PITPNC1: variants seen among roughly 807,000 people sequenced by gnomAD.
PITPNC1 encodes the protein phosphatidylinositol transfer protein cytoplasmic 1, also known as cytoplasmic phosphatidylinositol transfer protein 1.
A neutral mutation model predicts 44.7 loss-of-function variants in PITPNC1; 18 were observed. The observed-to-expected ratio is 0.40, with a 90% CI of 0.28 to 0.60. The LOEUF (loss-of-function observed/expected upper bound fraction) is 0.60. Ranked by LOEUF, PITPNC1 falls within the 20% of genes least tolerant of loss-of-function variation. PITPNC1 has a pLI of 0.39. For missense variants in PITPNC1, 290 were observed against 418.4 expected, an observed-to-expected ratio of 0.69 and a Z score of 2.68; for synonymous variants, 141 against 149.6, an observed-to-expected ratio of 0.94 and a Z score of 0.42.
rs1357094434 is a variant in PITPNC1 at position 67,428,629 on chromosome 17, AT to A, written c.48+50429del. Among the ~76,000 whole-genome samples, 7 of 152,098 alleles carry A rather than the reference AT, an allele frequency of 4.6e-5. No homozygotes were observed. The East Asian group carries it at 1.4e-3, about 29-fold the overall frequency. On this transcript the variant is annotated intron_variant, in intron 1 of 8. Transcript: ENST00000581322. ...AATGAGATTATAGATGATTTTAAAC[AT>A]TCTTCTTGATAATTTTCCTGTGTTT...
At chr17:67,602,144 G>A (rs74677081) in intron 5 of PITPNC1, among the ~76,000 whole-genome samples, 3,298 of 152,304 alleles carry the variant, frequency 0.022, 92 homozygotes, top group Admixed American at 0.081. Flanking sequence ...TGCAGCCTGC[G>A]TGTAGGAGCA....
intron 1 of PITPNC1, among the ~76,000 whole-genome samples, chr17:67,481,024 T>C (rs1263355270): frequency 2.0e-5 from 3 of 152,190 alleles, no homozygotes; most frequent in Non-Finnish European, 4.4e-5. Flanking sequence ...CTGGCCAGCA[T>C]GGCAAAACCC....
At chr17:67,433,202 C>T (rs944569354) in intron 1 of PITPNC1, among the ~76,000 whole-genome samples, 3 of 152,188 alleles carry the variant, frequency 2.0e-5, no homozygotes, top group African/African-American at 7.2e-5. Context: ...TGTCTCCTGG[C>T]AGTCAGTGCC....
intron 6 of PITPNC1, among the ~76,000 whole-genome samples, chr17:67,636,095 A>C (rs1345793883): frequency 1.3e-5 from 2 of 152,074 alleles, no homozygotes; most frequent in Non-Finnish European, 2.9e-5. Flanking sequence ...TCAGGAGTTC[A>C]AGACCAGCCT....
intron 1 of PITPNC1, among the ~76,000 whole-genome samples, chr17:67,505,823 T>C (rs2144078618): frequency 6.6e-6 from 1 of 152,324 alleles, no homozygotes; most frequent in South Asian, 2.1e-4. Context: ...AGCCTTTGCA[T>C]GTGTTACGCT....
intron 6 of PITPNC1, among the ~76,000 whole-genome samples, chr17:67,634,099 A>G (rs1410779621): frequency 6.6e-6 from 1 of 152,200 alleles, no homozygotes; most frequent in African/African-American, 2.4e-5. Flanking sequence ...TCACACAGAC[A>G]TTCGAGGAGC....
At chr17:67,495,037 GTTGTTTTTTTTTTTGTT>G (rs2039926043) in intron 1 of PITPNC1, among the ~76,000 whole-genome samples, 1 of 79,402 alleles carries the variant, frequency 1.3e-5, no homozygotes, top group African/African-American at 4.8e-5. Context: ...GAGCCATGGA[GTTGTTTTTTTTTTTGTT>G]TTTTTTTTTT....
chr17:67,417,044 C>A (rs573216835), intron 1 of PITPNC1, among the ~76,000 whole-genome samples: 34 of 152,124 alleles, frequency 2.2e-4, no homozygotes, highest in Middle Eastern at 3.4e-3. Context: ...AAACTCCCGA[C>A]CTCAGGTGAT....
intron 1 of PITPNC1, among the ~76,000 whole-genome samples, chr17:67,430,200 T>C (rs182989503): frequency 1.3e-5 from 2 of 152,318 alleles, no homozygotes; most frequent in East Asian, 3.9e-4. Flanking sequence ...CTTACTACTC[T>C]GTGATTTTAA....
chr17:67,567,789 A>G (rs1325752714), intron 4 of PITPNC1, among the ~76,000 whole-genome samples: 1 of 152,094 alleles, frequency 6.6e-6, no homozygotes, highest in Non-Finnish European at 1.5e-5. Context: ...CCTGGCCAAC[A>G]TGGTGAAACC....
rs143463832 is a variant in PITPNC1 at position 67,418,135 on chromosome 17, T to C, written c.48+39933T>C. Among the ~76,000 whole-genome samples the C allele has an allele frequency of 2.6e-4, 39 of 152,318 alleles. No homozygotes were observed. In the East Asian group the frequency reaches 7.5e-3, roughly 29 times the overall value. On this transcript the variant is annotated intron_variant, in intron 1 of 8. Coordinates refer to ENST00000581322, the MANE Select transcript of PITPNC1 (RefSeq NM_012417.4). ...TCCTTTTACCAACAGATGATTTGGA[T>C]CTTTAAGGCTCCCAGGCACATGACT... is the stretch of plus-strand genomic sequence containing the variant.
chr17:67,543,616 G>C lies in PITPNC1; in HGVS notation c.198-8641G>C, dbSNP rs117782057. On this transcript the variant is annotated intron_variant, in intron 2 of 8. Transcript: ENST00000581322. ...ATTGGCCATTTGTATATCTTCTTTG[G>C]AGAAATGTCTATTCCTTTGCCAATT... is the stretch of plus-strand genomic sequence containing the variant. 7.7e-3 allele frequency among the ~76,000 whole-genome samples: 1,167 copies of C among 152,138 alleles called. 13 individuals are homozygous for C. Among genetic ancestry groups the C allele is most frequent in the Non-Finnish European group, 0.011 (717 of 67,986 alleles).
At chr17:67,575,835 CTTCCTTCTTTCT>C (rs2041137475) in intron 4 of PITPNC1, among the ~76,000 whole-genome samples, 6 of 95,302 alleles carry the variant, frequency 6.3e-5, no homozygotes, top group African/African-American at 2.0e-4. Context: ...TCCTTCCTTC[CTTCCTTCTTTCT>C]TTCTTTCTTT....
intron 5 of PITPNC1, among the ~76,000 whole-genome samples, chr17:67,607,731 CTTT>C (rs1212042100): frequency 1.4e-5 from 2 of 140,618 alleles, no homozygotes; most frequent in East Asian, 2.1e-4. Context: ...TTTTTTCTTT[CTTT>C]TTTTTTTTTT....
At chr17:67,667,808 G>A (rs895882739) in intron 6 of PITPNC1, among the ~76,000 whole-genome samples, 6 of 151,682 alleles carry the variant, frequency 4.0e-5, no homozygotes, top group Admixed American at 6.6e-5. Flanking sequence ...GGCAAAACCC[G>A]GTCTCTATTA....
intron 4 of PITPNC1, among the ~76,000 whole-genome samples, chr17:67,570,193 A>G (rs1191743681): frequency 1.3e-5 from 2 of 152,204 alleles, no homozygotes; most frequent in Non-Finnish European, 2.9e-5. Context: ...GAAAGAAAAG[A>G]GTTCACGGAG....
intron 1 of PITPNC1, among the ~76,000 whole-genome samples, chr17:67,392,144 A>T (rs2038147115): frequency 2.0e-5 from 3 of 152,220 alleles, no homozygotes. Flanking sequence ...GTATCTGAAA[A>T]TGATGGGAAC....
At chr17:67,467,346 G>A (rs1000576193) in intron 1 of PITPNC1, among the ~76,000 whole-genome samples, 7 of 152,150 alleles carry the variant, frequency 4.6e-5, no homozygotes, top group Admixed American at 6.5e-5. Context: ...GAGCCACTGT[G>A]CCCCGCTGGA....
intron 1 of PITPNC1, among the ~76,000 whole-genome samples, chr17:67,453,646 T>C (rs1416652277): frequency 1.3e-5 from 2 of 152,198 alleles, no homozygotes; most frequent in Non-Finnish European, 2.9e-5. Flanking sequence ...GGTGCTTACA[T>C]AACGACAGAC....
Sources: allele counts gnomAD v4.1 joint callset (sites outside exome capture counted in the v4.1 genomes callset), GRCh38; gene constraint gnomAD v4.1.1; transcripts MANE v1.5; gene names NCBI Gene and HGNC (gene_info 2026-07-23, HGNC 2026-07-21).